GUCA1C: variants seen among roughly 807,000 people sequenced by gnomAD.
The protein encoded by GUCA1C is guanylate cyclase activator 1C.
GUCA1C carries 15 observed loss-of-function variants against 16.2 expected under a neutral mutation model. The ratio of observed to expected loss-of-function variants is 0.93; its 90% CI spans 0.62 to 1.43. The LOEUF (loss-of-function observed/expected upper bound fraction) is 1.43, where lower values mean the gene tolerates loss of function less well. GUCA1C is among the 40% of genes most tolerant of loss of function. The pLI is 0.00. For synonymous variants in GUCA1C, 78 were observed against 85.4 expected (o/e 0.91, Z 0.48); for missense variants, 275 against 244.8 (o/e 1.12, Z -0.82).
At chr3:108,925,987 T>G (rs1050985713) in intron 1 of GUCA1C, among the ~76,000 whole-genome samples, 1 of 152,034 alleles carries the variant, frequency 6.6e-6, no homozygotes, top group African/African-American at 2.4e-5. Flanking sequence ...CACGGGAGGC[T>G]GAGGCAGGAG....
At chr3:108,935,929 A>C (rs1946723022) in intron 1 of GUCA1C, among the ~76,000 whole-genome samples, 1 of 152,162 alleles carries the variant, frequency 6.6e-6, no homozygotes, top group South Asian at 2.1e-4. Context: ...AGGTGTTTTC[A>C]GGATATGATC....
At chr3:108,914,172 G>A (rs1032047212) in intron 3 of GUCA1C, among the ~76,000 whole-genome samples, 5 of 151,752 alleles carry the variant, frequency 3.3e-5, no homozygotes, top group Middle Eastern at 6.8e-3. Flanking sequence ...TTTTTCTGTC[G>A]CTGACTTATT....
intron 1 of GUCA1C, among the ~76,000 whole-genome samples, chr3:108,948,202 G>C (rs1946861907): frequency 6.6e-6 from 1 of 150,760 alleles, no homozygotes; most frequent in Non-Finnish European, 1.5e-5. Context: ...TGTTGGGAGA[G>C]GGACCTGGTG....
intron 1 of GUCA1C, among the ~76,000 whole-genome samples, chr3:108,953,151 T>C (rs542292391): frequency 6.6e-6 from 1 of 152,342 alleles, no homozygotes; most frequent in African/African-American, 2.4e-5. Flanking sequence ...CCAATCTAGA[T>C]GCAATCACAC....
intron 1 of GUCA1C, among the ~76,000 whole-genome samples, chr3:108,947,147 C>T (rs780662587): frequency 1.3e-5 from 2 of 152,106 alleles, no homozygotes; most frequent in Non-Finnish European, 2.9e-5. Context: ...TTACCAATAA[C>T]AGAAACAGTT....
chr3:108,947,932 C>T (rs558543831), intron 1 of GUCA1C, among the ~76,000 whole-genome samples: 20 of 152,296 alleles, frequency 1.3e-4, no homozygotes, highest in Middle Eastern at 6.8e-3. Flanking sequence ...AATCCTCAAA[C>T]ATAGTAGCTG....
chr3:108,944,175 GA>G lies in GUCA1C; in HGVS notation c.204+9383del, dbSNP rs537708527. 3.0e-3 allele frequency among the ~76,000 whole-genome samples: 458 copies of G among 152,112 alleles called. 1 individual carries two copies. The highest frequency in any genetic ancestry group is 4.5e-3 in the Non-Finnish European group (308 of 67,968). On this transcript the variant is annotated intron_variant, in intron 1 of 3. Coordinates refer to ENST00000261047, the MANE Select transcript of GUCA1C (RefSeq NM_005459.4). ...TGGCCTCCTTTAGAATATATATGGG[GA>G]AAAAAAGGAGGGAAAGAGAGGAATG...
chr3:108,914,130 T>C (rs1474034441), intron 3 of GUCA1C, among the ~76,000 whole-genome samples: 1 of 152,224 alleles, frequency 6.6e-6, no homozygotes, highest in Non-Finnish European at 1.5e-5. Flanking sequence ...TTTAGTTTTA[T>C]AAACTATTCT....
intron 1 of GUCA1C, among the ~76,000 whole-genome samples, chr3:108,948,275 G>A (rs1426975057): frequency 3.3e-5 from 5 of 152,074 alleles, no homozygotes; most frequent in Non-Finnish European, 7.4e-5. Context: ...GAGTTCTCAC[G>A]AGATCTGGTT....
At chr3:108,916,962 T>C (rs1946524113) in intron 2 of GUCA1C, among the ~76,000 whole-genome samples, 1 of 152,234 alleles carries the variant, frequency 6.6e-6, no homozygotes, top group Non-Finnish European at 1.5e-5. Context: ...CATATTTCAA[T>C]TAGAGGACAC....
At chr3:108,938,258 T>TG (rs1946749455) in intron 1 of GUCA1C, among the ~76,000 whole-genome samples, 1 of 152,140 alleles carries the variant, frequency 6.6e-6, no homozygotes, top group Non-Finnish European at 1.5e-5. Flanking sequence ...TCACTATCTG[T>TG]GAAAAATTCA....
At chr3:108,954,066 C>A (rs1010682706), upstream of GUCA1C, among the ~76,000 whole-genome samples, 1 of 152,118 alleles carries the variant, frequency 6.6e-6, no homozygotes, top group Non-Finnish European at 1.5e-5. Flanking sequence ...TATTGTTAGC[C>A]ATAAATTTTG....
upstream of GUCA1C, among the ~76,000 whole-genome samples, chr3:108,954,380 A>G (rs1001209010): frequency 6.6e-6 from 1 of 152,240 alleles, no homozygotes; most frequent in Non-Finnish European, 1.5e-5. Flanking sequence ...GAAGAACTTC[A>G]GATGTAGTAG....
chr3:108,940,747 G>C (rs909449390), intron 1 of GUCA1C, among the ~76,000 whole-genome samples: 1 of 152,228 alleles, frequency 6.6e-6, no homozygotes, highest in African/African-American at 2.4e-5. Context: ...GCTGAGGTCA[G>C]AGTTATCTGC....
intron 1 of GUCA1C, among the ~76,000 whole-genome samples, chr3:108,935,123 C>T (rs1453041560): frequency 6.6e-6 from 1 of 151,804 alleles, no homozygotes; most frequent in African/African-American, 2.4e-5. Context: ...TGTTCTTGCT[C>T]TTAAGTAGGA....
intron 1 of GUCA1C, among the ~76,000 whole-genome samples, chr3:108,950,423 T>G (rs1158008571): frequency 6.6e-6 from 1 of 152,172 alleles, no homozygotes; most frequent in Non-Finnish European, 1.5e-5. Context: ...AAGTGAGATT[T>G]CTGGTTCATA....
intron 2 of GUCA1C, 121 bp from the exon 3 acceptor site, chr3:108,916,335 CA>C: frequency 1.2e-6 from 1 of 805,132 alleles, no homozygotes; most frequent in East Asian, 2.5e-5. Flanking sequence ...CAACCTGTAC[CA>C]GTTGTTAAAA....
chr3:108,945,507 T>C (rs952634811), intron 1 of GUCA1C, among the ~76,000 whole-genome samples: 1 of 152,240 alleles, frequency 6.6e-6, no homozygotes, highest in African/African-American at 2.4e-5. Context: ...AGAATTTTAA[T>C]AATGGAATGG....
chr3:108,910,890 T>C (rs547152398), intron 3 of GUCA1C, among the ~76,000 whole-genome samples: 1 of 152,210 alleles, frequency 6.6e-6, no homozygotes, highest in South Asian at 2.1e-4. Context: ...GACCTCGTGA[T>C]CCACCCACCT....
Sources: allele counts gnomAD v4.1 joint callset (sites outside exome capture counted in the v4.1 genomes callset), GRCh38; gene constraint gnomAD v4.1.1; transcripts MANE v1.5; gene names NCBI Gene and HGNC (gene_info 2026-07-23, HGNC 2026-07-21).